Variants in SP140L observed in about 807,000 individuals in gnomAD.
SP140L encodes nuclear body protein SP140-like protein.
In SP140L, 64 loss-of-function variants were observed where a neutral mutation model predicts 84.3. The observed-to-expected ratio is 0.76, with a 90% CI of 0.62 to 0.94. SP140L has a LOEUF of 0.94. Among genes scored for constraint, SP140L ranks in the 40% least tolerant of loss-of-function variants. SP140L has a pLI of 0.00. For missense variants in SP140L, 628 were observed against 692.5 expected (o/e 0.91, Z 1.05); for synonymous variants, 242 against 236.9 (o/e 1.02, Z -0.20).
intron 13 of SP140L, among the ~76,000 whole-genome samples, chr2:230,396,459 A>G (rs1469776063): frequency 6.6e-6 from 1 of 152,258 alleles, no homozygotes; most frequent in Non-Finnish European, 1.5e-5. Flanking sequence ...CACAGGAGTA[A>G]GACAGAGAAA....
At chr2:230,341,236 T>G (rs2060032747) in intron 2 of SP140L, among the ~76,000 whole-genome samples, 1 of 145,090 alleles carries the variant, frequency 6.9e-6, no homozygotes, top group African/African-American at 2.6e-5. Flanking sequence ...CTTCATTTCA[T>G]TCATTTCATC....
intron 5 of SP140L, among the ~76,000 whole-genome samples, chr2:230,366,869 A>G (rs531373391): frequency 6.6e-5 from 10 of 152,058 alleles, no homozygotes; most frequent in Admixed American, 4.6e-4. Context: ...AGTAGCTGGG[A>G]CTACAGGCGC....
chr2:230,400,249 G>C lies in SP140L; in HGVS notation c.1313+7G>C, dbSNP rs371042491. The C allele has an allele frequency of 6.2e-7, 1 of 1,613,642 alleles. No individual in the cohort carries two copies. Among genetic ancestry groups the C allele is most frequent in the Non-Finnish European group, 8.5e-7 (1 of 1,179,572 alleles). Reference sequence around the variant, plus strand: ...CACCTGTGGAAAGTGAGAAGTAAGTGACATGCAGGCACCTCTCTTTCATCC... The same window carrying C: ...CACCTGTGGAAAGTGAGAAGTAAGTCACATGCAGGCACCTCTCTTTCATCC... On this transcript the variant is annotated splice_region_variant and intron_variant, in intron 15 of 18. Coordinates refer to ENST00000415673, the MANE Select transcript of SP140L (RefSeq NM_138402.6).
intron 2 of SP140L, among the ~76,000 whole-genome samples, chr2:230,344,743 T>C (rs1036158112): frequency 1.3e-5 from 2 of 152,214 alleles, no homozygotes; most frequent in African/African-American, 4.8e-5. Context: ...TAAATTACCC[T>C]TTTGGCTTCT....
intron 5 of SP140L, among the ~76,000 whole-genome samples, chr2:230,367,361 T>C (rs1185368266): frequency 3.3e-5 from 5 of 149,998 alleles, no homozygotes; most frequent in African/African-American, 1.2e-4. Context: ...GGCATTATTA[T>C]GTCTCACTGT....
chr2:230,393,353 T>G, intron 12 of SP140L, 61 bp from the exon 13 acceptor site: 1 of 1,523,240 alleles, frequency 6.6e-7, no homozygotes, highest in Non-Finnish European at 8.8e-7. Flanking sequence ...AGGTTGGAAA[T>G]GCCAGACTCA....
chr2:230,362,443 G>T (rs1046093924), intron 5 of SP140L, among the ~76,000 whole-genome samples: 10 of 152,160 alleles, frequency 6.6e-5, no homozygotes, highest in Non-Finnish European at 7.4e-5. Context: ...TCAAGAGCAG[G>T]AATATTCAAA....
chr2:230,371,538 A>G, intron 6 of SP140L, 60 bp from the exon 7 acceptor site: 5 of 1,397,560 alleles, frequency 3.6e-6, no homozygotes, highest in Non-Finnish European at 5.0e-6. Flanking sequence ...GAATTGTCCT[A>G]AAATCTATAA....
chr2:230,396,538 C>T (rs1022090711), intron 13 of SP140L, among the ~76,000 whole-genome samples: 1 of 152,126 alleles, frequency 6.6e-6, no homozygotes, highest in African/African-American at 2.4e-5. Flanking sequence ...TTGGTAAATT[C>T]TCTAGTTTCA....
At chr2:230,345,551 T>C (rs1039984414) in intron 2 of SP140L, among the ~76,000 whole-genome samples, 1 of 152,078 alleles carries the variant, frequency 6.6e-6, no homozygotes, top group Admixed American at 6.5e-5. Flanking sequence ...TCTGGCTGTT[T>C]TGTAATTTGT....
At chr2:230,359,975 A>ACCAAACTAAAGTTTGGTATTGGTGCTATC in intron 4 of SP140L, among the ~76,000 whole-genome samples, 1 of 143,326 alleles carries the variant, frequency 7.0e-6, no homozygotes, top group African/African-American at 2.8e-5. Flanking sequence ...TTGGTGCTAT[A>ACCAAACTAAAGTTTGGTATTGGTGCTATC]CCAAACTAAA....
intron 2 of SP140L, among the ~76,000 whole-genome samples, chr2:230,333,285 A>C (rs1176340156): frequency 6.6e-6 from 1 of 151,780 alleles, no homozygotes; most frequent in Non-Finnish European, 1.5e-5. Context: ...CAGCCTCCCG[A>C]GTAGCTGGGA....
chr2:230,358,818 T>C (rs891041090), intron 3 of SP140L, 146 bp from the exon 4 acceptor site: 2 of 641,028 alleles, frequency 3.1e-6, no homozygotes, highest in African/African-American at 1.9e-5. Context: ...TTACTGGCTA[T>C]ACAAATATGT....
At chr2:230,358,113 A>G (rs2060605517) in intron 3 of SP140L, 146 bp downstream of exon 3, 4 of 929,890 alleles carry the variant, frequency 4.3e-6, no homozygotes, top group Non-Finnish European at 6.5e-6. Flanking sequence ...ATGGTGTTCC[A>G]TGGCACCCTC....
At chr2:230,361,309 C>T (rs2060709741) in intron 4 of SP140L, among the ~76,000 whole-genome samples, 1 of 152,182 alleles carries the variant, frequency 6.6e-6, no homozygotes, top group African/African-American at 2.4e-5. Flanking sequence ...TCCAGGGAAT[C>T]CCTCTGTTTC....
chr2:230,398,852 A>C (rs2062179528), intron 14 of SP140L, among the ~76,000 whole-genome samples: 1 of 152,198 alleles, frequency 6.6e-6, no homozygotes, highest in Non-Finnish European at 1.5e-5. Context: ...CGGCTTCCAG[A>C]GGGAGAGTGT....
At position 230,388,425 on chromosome 2, in the gene SP140L, G is replaced by A; in HGVS notation, c.785-134G>A. ...CTAATTCTTCATACCTTAAAGGCTA[G>A]GGTTTAAATCTTTTTATTTATATAT... On this transcript the variant is annotated intron_variant, in intron 9 of 18. Transcript: ENST00000415673. The A allele has an allele frequency of 4.9e-6, 3 of 606,682 alleles. No individual in the cohort carries two copies. The South Asian group carries it at 1.0e-4, about 21-fold the overall frequency. The allele number at this position is 606,682 out of a possible 1,614,324, so 37.6% of individuals were successfully genotyped here.
intron 2 of SP140L, among the ~76,000 whole-genome samples, chr2:230,336,573 A>AT (rs2059889010): frequency 6.6e-6 from 1 of 152,172 alleles, no homozygotes; most frequent in African/African-American, 2.4e-5. Flanking sequence ...AATGTCAGAT[A>AT]TTTTTTAATG....
intron 5 of SP140L, 87 bp from the exon 6 acceptor site, chr2:230,370,821 A>G (rs1298956788): frequency 1.3e-5 from 17 of 1,324,252 alleles, no homozygotes; most frequent in Non-Finnish European, 1.8e-5. Flanking sequence ...GGGGCAAATT[A>G]AAAGTTCATA....
Sources: gnomAD v4.1 joint callset for allele counts (sites outside exome capture counted in the v4.1 genomes callset) on GRCh38, gnomAD v4.1.1 for gene constraint, MANE v1.5 for transcripts, NCBI Gene and HGNC (gene_info 2026-07-23, HGNC 2026-07-21) for gene names.